ZNF90: variants seen among roughly 807,000 people sequenced by gnomAD.
ZNF90 encodes the protein zinc finger protein HTF9.
ZNF90 carries 11 observed loss-of-function variants against 12.0 expected under a neutral mutation model. That is an observed-to-expected ratio of 0.92 (90% CI 0.58 to 1.52). The LOEUF (loss-of-function observed/expected upper bound fraction) is 1.52. ZNF90 is among the 40% of genes most tolerant of loss of function. The pLI is 0.00. For missense variants in ZNF90, 765 were observed against 711.5 expected, an observed-to-expected ratio of 1.08 and a Z score of -0.86; for synonymous variants, 232 against 240.1, an observed-to-expected ratio of 0.97 and a Z score of 0.31.
At chr19:20,102,651 T>A (rs1555703996) in intron 1 of ZNF90, among the ~76,000 whole-genome samples, 1 of 152,210 alleles carries the variant, frequency 6.6e-6, no homozygotes, top group Non-Finnish European at 1.5e-5. Context: ...CTTAAAAATG[T>A]TTCCTTTGTA....
chr19:20,110,944 A>C (rs2089083624), intron 3 of ZNF90, among the ~76,000 whole-genome samples: 1 of 152,164 alleles, frequency 6.6e-6, no homozygotes, highest in South Asian at 2.1e-4. Context: ...TGTAATTTGC[A>C]AATGTTTTCA....
At chr19:20,102,484 T>C (rs574411030) in intron 1 of ZNF90, among the ~76,000 whole-genome samples, 1 of 152,340 alleles carries the variant, frequency 6.6e-6, no homozygotes, top group South Asian at 2.1e-4. Context: ...GTGTTAGCGA[T>C]AAGGCCCCCT....
intron 3 of ZNF90, among the ~76,000 whole-genome samples, chr19:20,106,006 A>C (rs1027619882): frequency 6.7e-6 from 1 of 148,424 alleles, no homozygotes; most frequent in African/African-American, 2.5e-5. Context: ...ATAGACATAA[A>C]ATATTTTAAA....
At chr19:20,116,056 A>G (rs2089134385) in intron 3 of ZNF90, among the ~76,000 whole-genome samples, 1 of 152,116 alleles carries the variant, frequency 6.6e-6, no homozygotes, top group Non-Finnish European at 1.5e-5. Context: ...TATTTTTAGT[A>G]CAGACAGGGT....
At chr19:20,082,826 A>T (rs2088830538) in intron 1 of ZNF90, among the ~76,000 whole-genome samples, 2 of 152,186 alleles carry the variant, frequency 1.3e-5, no homozygotes, top group African/African-American at 4.8e-5. Context: ...AGAGGAAGGC[A>T]TCTGTCTCCT....
rs781921131 is a variant in ZNF90, at chr19:20,117,784, T to G, written c.230T>G (p.Met77Arg). ...GTGTTCTTATTGTTTCTTTCAGTTA[T>G]GTGTTTTCATTTTGCCCAAGACCTT... ...RHEMIAKSPV[M>R]CFHFAQDLCP... is the part of the protein sequence containing the mutation. The change falls in exon 4 of 4, where the codon ATG becomes AGG. Residue 77 changes from methionine to arginine, a missense_variant. Coordinates refer to ENST00000418063, the MANE Select transcript of ZNF90 (RefSeq NM_007138.2). 6.6e-7 allele frequency: 1 copy of G among 1,514,184 alleles called. No homozygotes were observed. The highest frequency in any genetic ancestry group is 8.8e-7 in the Non-Finnish European group (1 of 1,136,654). The allele number at this position is 1,514,184 out of a possible 1,614,324, so 93.8% of individuals were successfully genotyped here.
chr19:20,113,471 C>A (rs1362174727), intron 3 of ZNF90, among the ~76,000 whole-genome samples: 1 of 151,472 alleles, frequency 6.6e-6, no homozygotes, highest in East Asian at 2.0e-4. Flanking sequence ...GGGATACAGG[C>A]GTAAGCCACC....
At chr19:20,106,817 G>C in intron 3 of ZNF90, 1 of 445,314 alleles carries the variant, frequency 2.2e-6, no homozygotes, top group South Asian at 1.6e-5. Flanking sequence ...GTGATGAGAT[G>C]CCCTCTGAAT....
chr19:20,117,010 CAT>C (rs1555705722), intron 3 of ZNF90, among the ~76,000 whole-genome samples: 2 of 104,174 alleles, frequency 1.9e-5, no homozygotes, highest in Non-Finnish European at 3.5e-5. Context: ...TGGCAACTTA[CAT>C]TTGTGTGTGT....
In ZNF90 at chr19:20,105,942, C is replaced by T. The variant is rs896541697; in HGVS notation, c.226+626C>T. ...AATTTTGCTAGGAAGTTTATTGAAT[C>T]TATAGATCACTTTGGATAATATGGC... On this transcript the variant is annotated intron_variant, in intron 3 of 3. Transcript: ENST00000418063. Among the ~76,000 whole-genome samples, 5 of 151,274 alleles carry T rather than the reference C, an allele frequency of 3.3e-5. No individual in the cohort carries two copies. In the South Asian group the frequency reaches 1.0e-3, roughly 32 times the overall value.
At chr19:20,090,912 G>A (rs1307176122) in intron 1 of ZNF90, among the ~76,000 whole-genome samples, 8 of 152,258 alleles carry the variant, frequency 5.3e-5, no homozygotes, top group East Asian at 3.9e-4. Flanking sequence ...CCATTAGTCC[G>A]TTCTACCTTT....
intron 1 of ZNF90, among the ~76,000 whole-genome samples, chr19:20,087,871 T>TGGC (rs2088871561): frequency 6.6e-6 from 1 of 151,958 alleles, no homozygotes; most frequent in East Asian, 1.9e-4. Context: ...TGTTCTCTGG[T>TGGC]GGACAGGAAT....
rs572472194 is a variant in ZNF90, at chr19:20,103,820, G to GA, written c.4-408dup. ...ATCAGACTTTATTTCAGATCTTCTG[G>GA]AAAAAAAAAAAGAACCTGCATAACA... On this transcript the variant is annotated intron_variant, in intron 1 of 3. Coordinates refer to ENST00000418063, the MANE Select transcript of ZNF90 (RefSeq NM_007138.2). Among the ~76,000 whole-genome samples the GA allele has an allele frequency of 1.8e-3, 254 of 142,232 alleles. 3 individuals are homozygous for GA. Among genetic ancestry groups the GA allele is most frequent in the East Asian group, 0.015 (77 of 4,976 alleles). 93.3% of individuals were successfully genotyped at this position (142,232 alleles called of 152,430 possible).
intron 3 of ZNF90, among the ~76,000 whole-genome samples, chr19:20,106,700 G>A (rs1278736375): frequency 2.0e-5 from 3 of 152,202 alleles, no homozygotes; most frequent in Non-Finnish European, 4.4e-5. Flanking sequence ...TGATCCACCC[G>A]CCTTGGCCTC....
At position 20,117,924 on chromosome 19, in the gene ZNF90, A is replaced by G. The variant is rs782254804; in HGVS notation, c.370A>G (p.Lys124Glu). 3.7e-6 allele frequency: 6 copies of G among 1,613,110 alleles called. No individual in the cohort carries two copies. The Admixed American group carries it at 1.0e-4, about 27-fold the overall frequency. ...AGGTTGTGAAAGTGTGGATGAGGGT[A>G]AAGTACACAAAAGAGGTTATAATGG... ...KKGCESVDEG[K>E]VHKRGYNGLN... The change falls in exon 4 of 4, where the codon AAA becomes GAA. Residue 124 changes from lysine (K) to glutamate (E), a missense_variant. By Grantham distance (56) the Lys-to-Glu change is moderately conservative. Transcript: ENST00000418063.
intron 3 of ZNF90, among the ~76,000 whole-genome samples, chr19:20,108,382 T>C (rs1555704656): frequency 6.6e-6 from 1 of 152,236 alleles, no homozygotes; most frequent in Non-Finnish European, 1.5e-5. Flanking sequence ...CAATCCTGGC[T>C]CACTGCAACC....
At chr19:20,100,848 A>G (rs1555703794) in intron 1 of ZNF90, among the ~76,000 whole-genome samples, 1 of 152,170 alleles carries the variant, frequency 6.6e-6, no homozygotes, top group Non-Finnish European at 1.5e-5. Context: ...GAAAATACCA[A>G]TTAGACTAAA....
intron 3 of ZNF90, among the ~76,000 whole-genome samples, chr19:20,112,937 T>A (rs1257131098): frequency 1.3e-5 from 2 of 152,196 alleles, no homozygotes; most frequent in Non-Finnish European, 2.9e-5. Flanking sequence ...TTTTGTGTTA[T>A]ATATTTTTGG....
intron 1 of ZNF90, among the ~76,000 whole-genome samples, chr19:20,085,135 A>C (rs927925571): frequency 9.2e-5 from 14 of 152,242 alleles, no homozygotes; most frequent in African/African-American, 3.4e-4. Flanking sequence ...TGTCTTCTAC[A>C]TAGTGTTAGG....
Sources: gnomAD v4.1 joint callset for allele counts (sites outside exome capture counted in the v4.1 genomes callset) on GRCh38, gnomAD v4.1.1 for gene constraint, MANE v1.5 for transcripts, NCBI Gene and HGNC (gene_info 2026-07-23, HGNC 2026-07-21) for gene names.